Variants in EHBP1 observed in about 807,000 individuals in gnomAD.
EHBP1 encodes the protein EH domain-binding protein 1.
A neutral mutation model predicts 144.0 loss-of-function variants in EHBP1; 55 were observed. The ratio of observed to expected loss-of-function variants is 0.38; its 90% CI spans 0.31 to 0.48. The LOEUF is 0.48. Among genes scored for constraint, EHBP1 ranks in the 20% least tolerant of loss-of-function variants. The pLI is 0.98. For synonymous variants in EHBP1, 469 were observed against 472.7 expected, an observed-to-expected ratio of 0.99 and a Z score of 0.10; for missense variants, 1,200 against 1,364.2, an observed-to-expected ratio of 0.88 and a Z score of 1.90.
intron 10 of EHBP1, among the ~76,000 whole-genome samples, chr2:62,920,804 A>C (rs556127223): frequency 3.9e-4 from 60 of 152,088 alleles, no homozygotes; most frequent in African/African-American, 1.4e-3. Context: ...CTGCGATTAC[A>C]GGCATATACC....
intron 10 of EHBP1, among the ~76,000 whole-genome samples, chr2:62,896,378 C>T (rs1364857039): frequency 2.6e-5 from 4 of 152,126 alleles, no homozygotes; most frequent in Non-Finnish European, 5.9e-5. Context: ...TCTTACGGAC[C>T]ATTGTAACAA....
At chr2:62,792,048 C>T (rs1473998650) in intron 5 of EHBP1, among the ~76,000 whole-genome samples, 1 of 152,016 alleles carries the variant, frequency 6.6e-6, no homozygotes, top group East Asian at 1.9e-4. Context: ...TTCTTGCCAT[C>T]CAGATACAAC....
Position 62,856,364 on chromosome 2 carries a change from C to T in EHBP1, c.635-2805C>T, listed in dbSNP as rs534484509. Among the ~76,000 whole-genome samples, 71 of 152,336 alleles carry T rather than the reference C, an allele frequency of 4.7e-4. No individual in the cohort carries two copies. The Middle Eastern group carries it at 0.014, about 29-fold the overall frequency. ...ATCTCCAAGCTTCCAGGTGCCACCA[C>T]GTTCCCAGTGCCAGATGTGGAAACT... On this transcript the variant is annotated intron_variant, in intron 7 of 22. Transcript: ENST00000431489.
intron 5 of EHBP1, among the ~76,000 whole-genome samples, chr2:62,804,083 T>A (rs1051240299): frequency 1.3e-5 from 2 of 152,170 alleles, no homozygotes; most frequent in African/African-American, 4.8e-5. Context: ...TTTCTTCTGG[T>A]TTTATGCCTT....
At chr2:62,839,826 A>G (rs904266032) in intron 7 of EHBP1, among the ~76,000 whole-genome samples, 13 of 152,322 alleles carry the variant, frequency 8.5e-5, no homozygotes, top group African/African-American at 2.9e-4. Context: ...CCACTGCTCA[A>G]GGAAATAAAA....
intron 13 of EHBP1, among the ~76,000 whole-genome samples, chr2:62,951,210 C>T (rs565145975): frequency 2.4e-4 from 36 of 152,226 alleles, no homozygotes; most frequent in Non-Finnish European, 4.7e-4. Context: ...AAACAATATA[C>T]GTATAGGTAG....
chr2:62,900,771 G>A (rs1189263807), intron 10 of EHBP1, among the ~76,000 whole-genome samples: 1 of 150,678 alleles, frequency 6.6e-6, no homozygotes, highest in Non-Finnish European at 1.5e-5. Flanking sequence ...AAAATATATT[G>A]GTGACATTGA....
At chr2:62,955,402 A>G (rs3927940) in intron 13 of EHBP1, 115 bp from the exon 14 acceptor site, 14,377 of 994,892 alleles carry the variant, frequency 0.014, 121 homozygotes, top group Non-Finnish European at 0.018. Context: ...TCATGAAGCT[A>G]CAATCTTATT....
intron 10 of EHBP1, among the ~76,000 whole-genome samples, chr2:62,934,055 T>C (rs2153048363): frequency 6.6e-6 from 1 of 152,364 alleles, no homozygotes; most frequent in South Asian, 2.1e-4. Context: ...TGTATTCTAT[T>C]CTGTGCTATA....
At chr2:62,800,536 C>T (rs4461246) in intron 5 of EHBP1, among the ~76,000 whole-genome samples, 52,336 of 151,814 alleles carry the variant, frequency 0.34, 9,085 homozygotes, top group Middle Eastern at 0.54. Context: ...TGTCTGGAGA[C>T]TATATAAACT....
chr2:63,025,380 G>C (rs1184251594), intron 19 of EHBP1, among the ~76,000 whole-genome samples: 1 of 152,210 alleles, frequency 6.6e-6, no homozygotes, highest in Admixed American at 6.5e-5. Context: ...TCCCGCCTCA[G>C]GCTCTGAGTG....
At position 62,951,532 on chromosome 2, in the gene EHBP1, T is replaced by G. The variant is rs2057384511; in HGVS notation, c.2316+2370T>G. Among the ~76,000 whole-genome samples, 11 of 129,388 alleles carry G rather than the reference T, an allele frequency of 8.5e-5. No homozygotes were observed. The South Asian group carries it at 3.4e-3, about 40-fold the overall frequency. The allele number at this position is 129,388 out of a possible 152,430, so 84.9% of individuals were successfully genotyped here. On this transcript the variant is annotated intron_variant, in intron 13 of 22. Transcript: ENST00000431489. ...AATACAAATTTTTCTTTTTTTTTTTTTTGGGGGGGGGGGGTGGAGTCTTGC... is the reference window on the plus strand; with the variant it reads ...AATACAAATTTTTCTTTTTTTTTTTGTTGGGGGGGGGGGGTGGAGTCTTGC...
chr2:62,810,194 C>T (rs1294486582), intron 5 of EHBP1, among the ~76,000 whole-genome samples: 1 of 151,934 alleles, frequency 6.6e-6, no homozygotes, highest in Non-Finnish European at 1.5e-5. Flanking sequence ...TGTACCTCTC[C>T]GTATATTTAT....
chr2:62,854,081 C>T (rs2048863892), intron 7 of EHBP1, among the ~76,000 whole-genome samples: 1 of 152,186 alleles, frequency 6.6e-6, no homozygotes, highest in African/African-American at 2.4e-5. Context: ...AACTTGAAGT[C>T]ACATTCTTCA....
intron 1 of EHBP1, among the ~76,000 whole-genome samples, chr2:62,682,153 G>C (rs1022170330): frequency 1.3e-5 from 2 of 152,240 alleles, no homozygotes; most frequent in African/African-American, 4.8e-5. Context: ...GAAGGATGTG[G>C]AGGACATGCC....
At chr2:62,709,138 T>C (rs1394577778) in intron 2 of EHBP1, among the ~76,000 whole-genome samples, 1 of 152,114 alleles carries the variant, frequency 6.6e-6, no homozygotes, top group Non-Finnish European at 1.5e-5. Flanking sequence ...GGTAGCTGTT[T>C]TAATAAATAA....
At chr2:62,984,434 C>T (rs1447993820) in intron 15 of EHBP1, among the ~76,000 whole-genome samples, 1 of 152,196 alleles carries the variant, frequency 6.6e-6, no homozygotes, top group Non-Finnish European at 1.5e-5. Context: ...TACTTGCAAA[C>T]CAGCTTCTGT....
At chr2:62,738,739 A>G (rs2038391625) in intron 2 of EHBP1, among the ~76,000 whole-genome samples, 1 of 152,054 alleles carries the variant, frequency 6.6e-6, no homozygotes, top group Non-Finnish European at 1.5e-5. Flanking sequence ...TTATATTCCA[A>G]CTCTGCATTT....
At chr2:62,857,661 G>A (rs1327698359) in intron 7 of EHBP1, among the ~76,000 whole-genome samples, 1 of 152,016 alleles carries the variant, frequency 6.6e-6, no homozygotes, top group Non-Finnish European at 1.5e-5. Context: ...TATCCTAAAA[G>A]GTTCTTATTT....
Sources: gnomAD v4.1 joint callset for allele counts (sites outside exome capture counted in the v4.1 genomes callset) on GRCh38, gnomAD v4.1.1 for gene constraint, MANE v1.5 for transcripts, NCBI Gene and HGNC (gene_info 2026-07-23, HGNC 2026-07-21) for gene names.